Variants in VWC2 observed in about 807,000 individuals in gnomAD.
VWC2 encodes von Willebrand factor C domain containing 2, also known as brorin.
In VWC2, 14 loss-of-function variants were observed where a neutral mutation model predicts 29.8. The observed-to-expected ratio is 0.47, with a 90% confidence interval of 0.31 to 0.74. The LOEUF is 0.74. Ranked by LOEUF, VWC2 falls within the 30% of genes least tolerant of loss-of-function variation. The pLI, the probability that VWC2 is intolerant of heterozygous loss-of-function variation, is 0.05. For synonymous variants in VWC2, 213 were observed against 199.0 expected, an observed-to-expected ratio of 1.07 and a Z score of -0.59; for missense variants, 457 against 459.8, an observed-to-expected ratio of 0.99 and a Z score of 0.05.
intron 3 of VWC2, among the ~76,000 whole-genome samples, chr7:49,898,028 A>G (rs1792476151): frequency 6.6e-6 from 1 of 152,160 alleles, no homozygotes. Flanking sequence ...GTTTTATCAG[A>G]GCCTAACTGA....
chr7:49,850,826 G>A (rs558634271), intron 3 of VWC2, among the ~76,000 whole-genome samples: 132 of 152,290 alleles, frequency 8.7e-4, no homozygotes, highest in African/African-American at 3.0e-3. Flanking sequence ...AGCATGTACT[G>A]CCATTACATT....
chr7:49,906,674 T>G (rs1817502), intron 3 of VWC2, among the ~76,000 whole-genome samples: 116,408 of 152,112 alleles, frequency 0.77, 44,724 homozygotes, highest in East Asian at 0.89. Context: ...ATCATAAAAT[T>G]CTTACCAAGA....
At chr7:49,887,344 T>A (rs1031093816) in intron 3 of VWC2, among the ~76,000 whole-genome samples, 3 of 152,244 alleles carry the variant, frequency 2.0e-5, no homozygotes, top group South Asian at 4.1e-4. Flanking sequence ...ATTTGTTTTA[T>A]GTTTGCCTCC....
chr7:49,797,124 A>G (rs1788609892), intron 2 of VWC2, among the ~76,000 whole-genome samples: 1 of 152,244 alleles, frequency 6.6e-6, no homozygotes, highest in Admixed American at 6.5e-5. Context: ...GAATAATTTT[A>G]CTTTGCCATC....
rs762600831 is a variant in VWC2, at chr7:49,869,682, G to C, written c.827-42352G>C. Among the ~76,000 whole-genome samples, 6 of 152,170 alleles carry C rather than the reference G, an allele frequency of 3.9e-5. 1 individual carries two copies. Among genetic ancestry groups the C allele is most frequent in the Admixed American group, 2.0e-4 (3 of 15,274 alleles). On this transcript the variant is annotated intron_variant, in intron 3 of 3. Coordinates refer to ENST00000340652, the MANE Select transcript of VWC2 (RefSeq NM_198570.5). ...AGAAACCTGCCAATAGCAAGGAATG[G>C]CAAGGATGTAAAGCCACTGGACTGC... is the stretch of plus-strand genomic sequence containing the variant.
chr7:49,820,335 T>C (rs947449796), intron 3 of VWC2, among the ~76,000 whole-genome samples: 3 of 151,972 alleles, frequency 2.0e-5, no homozygotes, highest in African/African-American at 7.3e-5. Context: ...AAATACACCA[T>C]CAGAATAATG....
At chr7:49,782,819 A>G (rs1458420272) in intron 2 of VWC2, among the ~76,000 whole-genome samples, 2 of 152,192 alleles carry the variant, frequency 1.3e-5, no homozygotes, top group Non-Finnish European at 2.9e-5. Context: ...GGGCCACTGC[A>G]TTCCAGCCTG....
Position 49,877,480 on chromosome 7 carries a change from AAATATATATATATAT to A in VWC2, c.827-34552_827-34538del, listed in dbSNP as rs1165000957. 2.6e-4 allele frequency among the ~76,000 whole-genome samples: 6 copies of A among 23,504 alleles called. 1 individual carries two copies. The highest frequency in any genetic ancestry group is 1.1e-3 in the African/African-American group (5 of 4,718). The allele number at this position is 23,504 out of a possible 152,430, so 15.4% of individuals were successfully genotyped here. On this transcript the variant is annotated intron_variant, in intron 3 of 3. Transcript: ENST00000340652. The stretch of plus-strand genomic sequence containing the variant: ...TCTGTCTCAAAAAAAAAAAAAAAAA[AAATATATATATATAT>A]ATATATATATATATATATATATAGT...
chr7:49,860,873 C>A (rs114513621), intron 3 of VWC2, among the ~76,000 whole-genome samples: 443 of 152,320 alleles, frequency 2.9e-3, no homozygotes, highest in African/African-American at 0.01. Context: ...GGAAGGTGGC[C>A]ATCTGCGAGC....
At chr7:49,865,499 G>A (rs762929745) in intron 3 of VWC2, among the ~76,000 whole-genome samples, 4 of 152,166 alleles carry the variant, frequency 2.6e-5, no homozygotes, top group Non-Finnish European at 5.9e-5. Flanking sequence ...ATATGTCTGG[G>A]CTGGTGTGGT....
chr7:49,832,694 T>A lies in VWC2; in HGVS notation c.826+29854T>A, dbSNP rs184292980. Among the ~76,000 whole-genome samples the A allele has an allele frequency of 5.8e-4, 89 of 152,288 alleles. 1 individual carries two copies. Among genetic ancestry groups the A allele is most frequent in the African/African-American group, 2.0e-3 (84 of 41,568 alleles). ...TCTATTCTGGTCTGGTCTGGTCTGC[T>A]GGGGCCTAGTGCAGGAGGCTGGTCC... is the stretch of plus-strand genomic sequence containing the variant. On this transcript the variant is annotated intron_variant, in intron 3 of 3. Coordinates refer to ENST00000340652, the MANE Select transcript of VWC2 (RefSeq NM_198570.5).
At position 49,857,009 on chromosome 7, in the gene VWC2, C is replaced by CAAA. The variant is rs59910243; in HGVS notation, c.826+54199_826+54201dup. Among the ~76,000 whole-genome samples the CAAA allele has an allele frequency of 5.9e-3, 313 of 52,802 alleles. 1 individual carries two copies. Among genetic ancestry groups the CAAA allele is most frequent in the Non-Finnish European group, 6.9e-3 (219 of 31,764 alleles). The allele number at this position is 52,802 out of a possible 152,430, so 34.6% of individuals were successfully genotyped here. On this transcript the variant is annotated intron_variant, in intron 3 of 3. Coordinates refer to ENST00000340652, the MANE Select transcript of VWC2 (RefSeq NM_198570.5). ...TGGGTGACAGAGCCAGATACTGTCT[C>CAAA]AAAAAAAAAAAAAAAAAAAAAAAAA...
chr7:49,800,869 A>C (rs906778531), intron 2 of VWC2, among the ~76,000 whole-genome samples: 4 of 151,690 alleles, frequency 2.6e-5, no homozygotes, highest in Non-Finnish European at 5.9e-5. Flanking sequence ...AAAAAAAAAA[A>C]AACCTAATTG....
intron 3 of VWC2, among the ~76,000 whole-genome samples, chr7:49,807,666 A>C (rs1050003349): frequency 2.6e-5 from 4 of 152,194 alleles, no homozygotes; most frequent in Non-Finnish European, 5.9e-5. Context: ...AGGCTAAAAC[A>C]ATAATGCTTT....
At chr7:49,810,369 A>G (rs1242897817) in intron 3 of VWC2, among the ~76,000 whole-genome samples, 1 of 152,146 alleles carries the variant, frequency 6.6e-6, no homozygotes, top group Non-Finnish European at 1.5e-5. Context: ...AAGCTGCAAA[A>G]TATTGCTGAA....
intron 2 of VWC2, among the ~76,000 whole-genome samples, chr7:49,789,084 G>A (rs1207727728): frequency 1.3e-5 from 2 of 148,302 alleles, no homozygotes; most frequent in Non-Finnish European, 3.0e-5. Context: ...GTGTGAGAGT[G>A]TAGGTTTGGG....
rs28804180 is a variant in VWC2, at chr7:49,900,039, C to T, written c.827-11995C>T. ...AAGATACCTGGAAAGTCCCCAAATACTTGAATGTTAAACAATAAACTTATA... is the reference window on the plus strand; with the variant it reads ...AAGATACCTGGAAAGTCCCCAAATATTTGAATGTTAAACAATAAACTTATA... On this transcript the variant is annotated intron_variant, in intron 3 of 3. Coordinates refer to ENST00000340652, the MANE Select transcript of VWC2 (RefSeq NM_198570.5). Among the ~76,000 whole-genome samples, 813 of 151,820 alleles carry T rather than the reference C, an allele frequency of 5.4e-3. 8 individuals carry two copies. Among genetic ancestry groups the T allele is most frequent in the African/African-American group, 0.018 (756 of 41,492 alleles).
chr7:49,872,735 G>A (rs140196522), intron 3 of VWC2, among the ~76,000 whole-genome samples: 4,178 of 132,626 alleles, frequency 0.032, 170 homozygotes, highest in South Asian at 0.14. Flanking sequence ...GTGAAACCCC[G>A]TCTCTACAAA....
chr7:49,800,484 C>T (rs1053781911), intron 2 of VWC2, among the ~76,000 whole-genome samples: 3 of 152,152 alleles, frequency 2.0e-5, no homozygotes, highest in Non-Finnish European at 2.9e-5. Context: ...TTCGTGAGGA[C>T]AGACCTCACT....
Sources: allele counts gnomAD v4.1 joint callset (sites outside exome capture counted in the v4.1 genomes callset), GRCh38; gene constraint gnomAD v4.1.1; transcripts MANE v1.5; gene names NCBI Gene and HGNC (gene_info 2026-07-23, HGNC 2026-07-21).